KSR2: variants seen among roughly 807,000 people sequenced by gnomAD.
The protein encoded by KSR2 is kinase suppressor of ras 2.
In KSR2, 25 loss-of-function variants were observed where a neutral mutation model predicts 107.8. The observed-to-expected ratio is 0.23, with a 90% CI of 0.17 to 0.32. The LOEUF (loss-of-function observed/expected upper bound fraction) is 0.32. Among genes scored for constraint, KSR2 ranks in the 10% least tolerant of loss-of-function variants. KSR2 has a pLI of 1.00. For synonymous variants in KSR2, 480 were observed against 507.0 expected, an observed-to-expected ratio of 0.95 and a Z score of 0.71; for missense variants, 887 against 1,268.9, an observed-to-expected ratio of 0.70 and a Z score of 4.57.
At chr12:117,657,804 T>C (rs1347914585) in intron 5 of KSR2, among the ~76,000 whole-genome samples, 1 of 152,200 alleles carries the variant, frequency 6.6e-6, no homozygotes, top group Non-Finnish European at 1.5e-5. Context: ...TCAAAACTAT[T>C]TTGTGTGTGC....
At chr12:117,607,825 A>G (rs1334864948) in intron 5 of KSR2, among the ~76,000 whole-genome samples, 1 of 152,190 alleles carries the variant, frequency 6.6e-6, no homozygotes, top group East Asian at 1.9e-4. Flanking sequence ...AGGAGGGCAC[A>G]GGGTTTCTGA....
chr12:117,471,504 G>A (rs1871455968), intron 17 of KSR2, among the ~76,000 whole-genome samples, 184 bp from the exon 18 acceptor site: 1 of 152,136 alleles, frequency 6.6e-6, no homozygotes, highest in African/African-American at 2.4e-5. Context: ...TGTCTTAGAA[G>A]TCATGTTTAT....
At position 117,833,816 on chromosome 12, in the gene KSR2, T is replaced by A. The variant is rs78731650; in HGVS notation, c.472+21612A>T. Among the ~76,000 whole-genome samples, 677 of 152,048 alleles carry A rather than the reference T, an allele frequency of 4.5e-3. 4 individuals carry two copies. The highest frequency in any genetic ancestry group is 0.015 in the African/African-American group (636 of 41,482). ...TTTGAACCCACCTTGATGTCATAAT[T>A]CCCCTACCGTGATTTCCCAAAAAAT... On this transcript the variant is annotated intron_variant, in intron 3 of 19. Coordinates refer to ENST00000339824, the MANE Select transcript of KSR2 (RefSeq NM_173598.6).
chr12:117,542,045 C>A (rs1434012148), intron 9 of KSR2, among the ~76,000 whole-genome samples: 1 of 151,958 alleles, frequency 6.6e-6, no homozygotes, highest in African/African-American at 2.4e-5. Flanking sequence ...ACCACCATGC[C>A]CAGCTTTAAA....
At chr12:117,567,661 CAAAA>C (rs57039581) in intron 7 of KSR2, among the ~76,000 whole-genome samples, 2 of 134,962 alleles carry the variant, frequency 1.5e-5, no homozygotes, top group African/African-American at 2.7e-5. Flanking sequence ...AGGCTTCTCG[CAAAA>C]AAAAAAAAAA....
At chr12:117,587,281 C>T (rs779676036) in intron 5 of KSR2, among the ~76,000 whole-genome samples, 6 of 152,016 alleles carry the variant, frequency 3.9e-5, no homozygotes, top group South Asian at 2.1e-4. Context: ...CTGGATTACG[C>T]GGGTGGAACT....
At chr12:117,542,139 C>A (rs1008545191) in intron 9 of KSR2, among the ~76,000 whole-genome samples, 1 of 151,926 alleles carries the variant, frequency 6.6e-6, no homozygotes, top group Non-Finnish European at 1.5e-5. Flanking sequence ...TGATCCTCCC[C>A]CCTCAGCCTC....
rs74375211 is a variant in KSR2 at position 117,949,365 on chromosome 12, C to T, written c.180+18711G>A. 6.8e-3 allele frequency among the ~76,000 whole-genome samples: 1,018 copies of T among 150,532 alleles called. 14 individuals carry two copies. The highest frequency in any genetic ancestry group is 0.022 in the African/African-American group (900 of 41,162). ...AAATATTTGCAACTCACATATCTCA[C>T]GAAGAATTGTATCCAGGATACATAA... On this transcript the variant is annotated intron_variant, in intron 1 of 19. Coordinates refer to ENST00000339824, the MANE Select transcript of KSR2 (RefSeq NM_173598.6).
chr12:117,958,859 T>C (rs1304647325), intron 1 of KSR2, among the ~76,000 whole-genome samples: 1 of 152,170 alleles, frequency 6.6e-6, no homozygotes, highest in Non-Finnish European at 1.5e-5. Context: ...CATGTCATAC[T>C]ATGTAGCCAT....
At chr12:117,815,801 C>T (rs1891345508) in intron 3 of KSR2, among the ~76,000 whole-genome samples, 1 of 151,792 alleles carries the variant, frequency 6.6e-6, no homozygotes, top group South Asian at 2.1e-4. Context: ...ATGGTGAAAC[C>T]CCGTCTCTAC....
intron 5 of KSR2, among the ~76,000 whole-genome samples, chr12:117,651,136 C>T (rs1208511281): frequency 6.6e-6 from 1 of 152,182 alleles, no homozygotes. Flanking sequence ...ACAACTTCCC[C>T]ATCCCCAGAA....
intron 4 of KSR2, among the ~76,000 whole-genome samples, chr12:117,671,575 C>G (rs1486185675): frequency 6.6e-6 from 1 of 152,208 alleles, no homozygotes; most frequent in Non-Finnish European, 1.5e-5. Flanking sequence ...ACATCACATT[C>G]CCTTCTAATT....
Position 117,794,388 on chromosome 12 carries a change from C to T in KSR2, c.473-32864G>A, listed in dbSNP as rs1189663352. ...CAACATGCACACTCACACCAACATGCACACTCACACCAACATGCACACACA... is the reference window on the plus strand; with the variant it reads ...CAACATGCACACTCACACCAACATGTACACTCACACCAACATGCACACACA... On this transcript the variant is annotated intron_variant, in intron 3 of 19. Transcript: ENST00000339824. Among the ~76,000 whole-genome samples the T allele has an allele frequency of 4.5e-5, 2 of 43,980 alleles. 1 individual carries two copies. Among genetic ancestry groups the T allele is most frequent in the Non-Finnish European group, 8.5e-5 (2 of 23,396 alleles). 28.9% of individuals were successfully genotyped at this position (43,980 alleles called of 152,430 possible).
chr12:117,787,419 C>T (rs982049544), intron 3 of KSR2, among the ~76,000 whole-genome samples: 15 of 152,024 alleles, frequency 9.9e-5, no homozygotes, highest in African/African-American at 3.6e-4. Context: ...GATCATCTGA[C>T]GTCAGGAGTT....
chr12:117,727,558 G>A (rs1887484284), intron 4 of KSR2, among the ~76,000 whole-genome samples: 1 of 152,090 alleles, frequency 6.6e-6, no homozygotes. Context: ...GGAACACACT[G>A]AGGGAAGATG....
chr12:117,810,695 G>T (rs1280507549), intron 3 of KSR2, among the ~76,000 whole-genome samples: 2 of 152,164 alleles, frequency 1.3e-5, no homozygotes, highest in Non-Finnish European at 2.9e-5. Flanking sequence ...AAGCTAATAT[G>T]CAGAAGAAAT....
Position 117,527,316 on chromosome 12 carries a change from CACACACACAG to C in KSR2, c.1803-207_1803-198del, listed in dbSNP as rs1565884884. ...ACACACACACAGACACACACACACA[CACACACACAG>C]ACACACACACACACACACACAGACA... On this transcript the variant is annotated intron_variant, in intron 12 of 19. Transcript: ENST00000339824. 1.2e-4 allele frequency among the ~76,000 whole-genome samples: 16 copies of C among 138,600 alleles called. No individual in the cohort carries two copies. In the East Asian group the frequency reaches 2.1e-3, roughly 18 times the overall value. The allele number at this position is 138,600 out of a possible 152,430, so 90.9% of individuals were successfully genotyped here. A position where few individuals can be genotyped will look rare whatever the true frequency, so the allele number is the denominator to read the frequency against.
At chr12:117,469,894 C>G in intron 18 of KSR2, 99 bp from the exon 19 acceptor site, 1 of 1,168,094 alleles carries the variant, frequency 8.6e-7, no homozygotes, top group Admixed American at 2.0e-5. Context: ...CTCATCTGCC[C>G]CATTTCCATA....
At chr12:117,770,992 A>G (rs1000114750) in intron 3 of KSR2, among the ~76,000 whole-genome samples, 1 of 151,932 alleles carries the variant, frequency 6.6e-6, no homozygotes, top group African/African-American at 2.4e-5. Flanking sequence ...AAAAAAAAAA[A>G]AAAAGACAGT....
Sources: gnomAD v4.1 joint callset for allele counts (sites outside exome capture counted in the v4.1 genomes callset) on GRCh38, gnomAD v4.1.1 for gene constraint, MANE v1.5 for transcripts, NCBI Gene and HGNC (gene_info 2026-07-23, HGNC 2026-07-21) for gene names.